Variants in AADAT observed in about 807,000 individuals in gnomAD.
AADAT encodes aminoadipate aminotransferase, also known as kynurenine/alpha-aminoadipate aminotransferase, mitochondrial.
Under a neutral mutation model 56.2 loss-of-function variants are expected in AADAT, and 25 were observed. The ratio of observed to expected loss-of-function variants is 0.44; its 90% confidence interval spans 0.32 to 0.62. The LOEUF (loss-of-function observed/expected upper bound fraction) is 0.62. Among genes scored for constraint, AADAT ranks in the 20% least tolerant of loss-of-function variants. The pLI, the probability that AADAT is intolerant of heterozygous loss-of-function variation, is 0.04. For missense variants in AADAT, 387 were observed against 510.5 expected (o/e 0.76, Z 2.33); for synonymous variants, 173 against 164.7 (o/e 1.05, Z -0.39).
rs1386609661 is a variant in AADAT, at chr4:170,089,740, G to GA, written c.-51dup. ...CTTCTTCTTCAGTGGTTGAGGACTAGAAAAACCAAAGAGCCTCGTCAAGTC... is the reference window on the plus strand; with the variant it reads ...CTTCTTCTTCAGTGGTTGAGGACTAGAAAAAACCAAAGAGCCTCGTCAAGTC... On this transcript the variant is annotated 5_prime_UTR_variant, in exon 1 of 13. Coordinates refer to ENST00000337664, the MANE Select transcript of AADAT (RefSeq NM_016228.4). 1 of 1,598,148 alleles carries GA rather than the reference G, an allele frequency of 6.3e-7. No homozygotes were observed. Among genetic ancestry groups the GA allele is most frequent in the African/African-American group, 1.3e-5 (1 of 74,492 alleles).
intron 4 of AADAT, among the ~76,000 whole-genome samples, chr4:170,075,184 A>G (rs1476841805): frequency 6.6e-6 from 1 of 152,236 alleles, no homozygotes; most frequent in Non-Finnish European, 1.5e-5. Context: ...TGCACGCTTT[A>G]TATGTAGACA....
chr4:170,093,484 C>T (rs543976093), upstream of AADAT, among the ~76,000 whole-genome samples: 16 of 152,178 alleles, frequency 1.1e-4, no homozygotes, highest in Admixed American at 3.9e-4. Flanking sequence ...GGAACCTGTT[C>T]GGTCAAAGGA....
chr4:170,060,840 C>T lies in AADAT; in HGVS notation c.*88G>A, dbSNP rs1731155685. ...TCGTAGCTTACTGCAGCCTTGAATTCCTGGGTTCAAGTGATCCTCCCTCCT... is the reference window on the plus strand; with the variant it reads ...TCGTAGCTTACTGCAGCCTTGAATTTCTGGGTTCAAGTGATCCTCCCTCCT... On this transcript the variant is annotated 3_prime_UTR_variant, in exon 13 of 13. Transcript: ENST00000337664. 5 of 1,153,982 alleles carry T rather than the reference C, an allele frequency of 4.3e-6. No individual in the cohort carries two copies. The highest frequency in any genetic ancestry group is 6.0e-6 in the Non-Finnish European group (5 of 830,646). The allele number at this position is 1,153,982 out of a possible 1,614,324, so 71.5% of individuals were successfully genotyped here.
chr4:170,078,297 A>G (rs1415280351), intron 4 of AADAT, among the ~76,000 whole-genome samples: 1 of 152,206 alleles, frequency 6.6e-6, no homozygotes, highest in Admixed American at 6.5e-5. Flanking sequence ...GAAATGTATA[A>G]AGAAGAGAAT....
intron 8 of AADAT, among the ~76,000 whole-genome samples, chr4:170,068,202 A>G (rs922059485): frequency 6.6e-6 from 1 of 151,954 alleles, no homozygotes; most frequent in African/African-American, 2.4e-5. Context: ...TTGATAACAG[A>G]TACAAAAAAT....
chr4:170,089,356 C>A, intron 1 of AADAT: 1 of 587,674 alleles, frequency 1.7e-6, no homozygotes, highest in Admixed American at 2.8e-5. Flanking sequence ...CCCTCCCTTC[C>A]AAGGCCGTGC....
intron 3 of AADAT, among the ~76,000 whole-genome samples, chr4:170,083,431 G>GA (rs1246240544): frequency 1.3e-5 from 2 of 152,050 alleles, no homozygotes; most frequent in African/African-American, 4.8e-5. Context: ...CAAGAAAGTA[G>GA]AAAGACTTCA....
rs1731137216 is a variant in AADAT, at chr4:170,060,321, AC to A, written c.*606del. On this transcript the variant is annotated 3_prime_UTR_variant, in exon 13 of 13. Transcript: ENST00000337664. ...AGTCACTTATAATGACCAAATTATAACAATTTTTGCAATAAGCTCTCATTAA... is the reference window on the plus strand; with the variant it reads ...AGTCACTTATAATGACCAAATTATAAAATTTTTGCAATAAGCTCTCATTAA... The A allele has an allele frequency of 6.6e-6, 1 of 152,184 alleles. No homozygotes were observed. Among genetic ancestry groups the A allele is most frequent in the African/African-American group, 2.4e-5 (1 of 41,454 alleles). 9.4% of individuals were successfully genotyped at this position (152,184 alleles called of 1,614,324 possible).
In AADAT at chr4:170,061,970, A is replaced by G; in HGVS notation, c.1158T>C (p.Ala386=). The G allele has an allele frequency of 6.2e-7, 1 of 1,612,842 alleles. No individual in the cohort carries two copies. The highest frequency in any genetic ancestry group is 8.5e-7 in the Non-Finnish European group (1 of 1,179,178). ...KMGVLMLPGN[A]FYVDSSAPSP... Reference sequence around the variant, plus strand: ...TAGGAGCTGAGCTATCGACGTAGAAAGCATTTCCAGGGAGCATTAATACCT... The same window carrying G: ...TAGGAGCTGAGCTATCGACGTAGAAGGCATTTCCAGGGAGCATTAATACCT... Residue 386 remains alanine, a synonymous_variant, in exon 12 of 13, where the codon GCT becomes GCC. Coordinates refer to ENST00000337664, the MANE Select transcript of AADAT (RefSeq NM_016228.4).
intron 4 of AADAT, among the ~76,000 whole-genome samples, chr4:170,076,494 C>G (rs1023863591): frequency 6.6e-6 from 1 of 152,092 alleles, no homozygotes; most frequent in Admixed American, 6.6e-5. Flanking sequence ...CTTTTATGTG[C>G]TTATTGGCCT....
At chr4:170,092,401 C>T (rs1171287126), upstream of AADAT, among the ~76,000 whole-genome samples, 1 of 152,254 alleles carries the variant, frequency 6.6e-6, no homozygotes, top group African/African-American at 2.4e-5. Context: ...AAGTCTGCAG[C>T]TTCACGCCAG....
At chr4:170,091,052 G>A (rs936657336), upstream of AADAT, among the ~76,000 whole-genome samples, 3 of 152,276 alleles carry the variant, frequency 2.0e-5, no homozygotes, top group African/African-American at 7.2e-5. Flanking sequence ...GAAGTATTGA[G>A]AGGTGACAGC....
At chr4:170,089,292 G>A (rs142326489) in intron 1 of AADAT, 60 of 529,702 alleles carry the variant, frequency 1.1e-4, no homozygotes, top group African/African-American at 1.1e-3. Flanking sequence ...CCATCTGCAC[G>A]CTGTGCATGC....
chr4:170,086,675 T>C (rs1035916665), intron 3 of AADAT, among the ~76,000 whole-genome samples: 3 of 152,312 alleles, frequency 2.0e-5, no homozygotes, highest in African/African-American at 4.8e-5. Flanking sequence ...CACTAAGCTT[T>C]TGGTAGGAGT....
intron 5 of AADAT, among the ~76,000 whole-genome samples, chr4:170,072,299 GTA>G (rs36017064): frequency 0.023 from 3,362 of 148,446 alleles, 140 homozygotes; most frequent in African/African-American, 0.077. Context: ...ATGTGTGTGT[GTA>G]TATATATATA....
At chr4:170,077,057 C>G (rs1056752767) in intron 4 of AADAT, among the ~76,000 whole-genome samples, 1 of 152,146 alleles carries the variant, frequency 6.6e-6, no homozygotes, top group Non-Finnish European at 1.5e-5. Flanking sequence ...TTCTATTGGT[C>G]TATATGATTG....
chr4:170,073,786 G>A (rs147163298), intron 4 of AADAT, among the ~76,000 whole-genome samples: 2,700 of 152,210 alleles, frequency 0.018, 33 homozygotes, highest in Non-Finnish European at 0.029. Flanking sequence ...GCCGTGAGCT[G>A]CCACGCCCCT....
At chr4:170,081,345 T>C (rs76766179) in intron 3 of AADAT, among the ~76,000 whole-genome samples, 27,771 of 152,038 alleles carry the variant, frequency 0.18, 3,727 homozygotes, top group East Asian at 0.69. Flanking sequence ...GAATCAGTGG[T>C]CTGCAAGAGG....
At chr4:170,082,758 AC>A (rs1167106064) in intron 3 of AADAT, among the ~76,000 whole-genome samples, 3 of 152,238 alleles carry the variant, frequency 2.0e-5, no homozygotes, top group African/African-American at 7.2e-5. Context: ...GGAATTGGAA[AC>A]CTAAAAAGAG....
Sources: gnomAD v4.1 joint callset for allele counts (sites outside exome capture counted in the v4.1 genomes callset) on GRCh38, gnomAD v4.1.1 for gene constraint, MANE v1.5 for transcripts, NCBI Gene and HGNC (gene_info 2026-07-23, HGNC 2026-07-21) for gene names.